REPS1: variants seen among roughly 807,000 people sequenced by gnomAD.
The protein encoded by REPS1 is ralBP1-associated Eps domain-containing protein 1.
A neutral mutation model predicts 100.9 loss-of-function variants in REPS1; 39 were observed. The ratio of observed to expected loss-of-function variants is 0.39; its 90% CI spans 0.30 to 0.50. The LOEUF (loss-of-function observed/expected upper bound fraction) is 0.50. Ranked by LOEUF, REPS1 falls within the 20% of genes least tolerant of loss-of-function variation. The pLI, the probability that REPS1 is intolerant of heterozygous loss-of-function variation, is 0.86. For missense variants in REPS1, 821 were observed against 968.5 expected, an observed-to-expected ratio of 0.85 and a Z score of 2.02; for synonymous variants, 324 against 340.3, an observed-to-expected ratio of 0.95 and a Z score of 0.53.
Position 138,931,241 on chromosome 6 carries a change from T to G in REPS1, c.1136-1143A>C, listed in dbSNP as rs543755537. Among the ~76,000 whole-genome samples the G allele has an allele frequency of 2.0e-5, 3 of 152,338 alleles. No homozygotes were observed. In the East Asian group the frequency reaches 5.8e-4, roughly 29 times the overall value. On this transcript the variant is annotated intron_variant, in intron 8 of 19. Transcript: ENST00000450536. ...CCATATAATATAAGCTAGCAATGTA[T>G]AGCTTTTAACTTCTCAATCTATTCA... is the stretch of plus-strand genomic sequence containing the variant.
chr6:138,955,827 T>C (rs1327488887), intron 1 of REPS1, among the ~76,000 whole-genome samples: 2 of 152,160 alleles, frequency 1.3e-5, no homozygotes, highest in East Asian at 3.8e-4. Context: ...GTGCCTCAGT[T>C]TCTTCATATA....
rs966839799 is a variant in REPS1, at chr6:138,903,936, C to G, written c.*1128G>C. ...GGACTGTGAATCTATAGTATTTAAA[C>G]ATTTTTTCTTTCAGAAATGAAAATA... On this transcript the variant is annotated 3_prime_UTR_variant, in exon 20 of 20. Coordinates refer to ENST00000450536, the MANE Select transcript of REPS1 (RefSeq NM_001286611.2). The G allele has an allele frequency of 6.6e-6, 1 of 152,122 alleles. No homozygotes were observed. 9.4% of individuals were successfully genotyped at this position (152,122 alleles called of 1,614,324 possible).
chr6:138,956,051 C>T (rs761833533), intron 1 of REPS1, among the ~76,000 whole-genome samples: 7 of 152,068 alleles, frequency 4.6e-5, no homozygotes, highest in Admixed American at 2.0e-4. Context: ...AGAGTTAACG[C>T]CTTTATGCAT....
chr6:138,917,269 A>T (rs1490982705), intron 13 of REPS1, among the ~76,000 whole-genome samples: 1 of 152,220 alleles, frequency 6.6e-6, no homozygotes, highest in Non-Finnish European at 1.5e-5. Flanking sequence ...GTATTACTTG[A>T]CAGATTCTCG....
In REPS1 at chr6:138,904,046, A is replaced by C. The variant is rs530980482; in HGVS notation, c.*1018T>G. On this transcript the variant is annotated 3_prime_UTR_variant, in exon 20 of 20. Transcript: ENST00000450536. ...TATTATGCTGTTTTATTGGTGTAAA[A>C]CCACACTTCTGATTCTGCCAAGATA... The C allele has an allele frequency of 6.6e-6, 1 of 152,216 alleles. No individual in the cohort carries two copies. The highest frequency in any genetic ancestry group is 6.5e-5 in the Admixed American group (1 of 15,280). The allele number at this position is 152,216 out of a possible 1,614,324, so 9.4% of individuals were successfully genotyped here.
chr6:138,939,432 C>A (rs543647592), intron 8 of REPS1, among the ~76,000 whole-genome samples: 98 of 152,256 alleles, frequency 6.4e-4, no homozygotes, highest in African/African-American at 2.3e-3. Flanking sequence ...AAAAAAATTT[C>A]TTCCTGAACC....
rs1784787609 is a variant in REPS1 at position 138,979,202 on chromosome 6, A to AAAAAAAAAAAAAAAAT, written c.153+8327_153+8328insATTTTTTTTTTTTTTT. On this transcript the variant is annotated intron_variant, in intron 1 of 19. Coordinates refer to ENST00000450536, the MANE Select transcript of REPS1 (RefSeq NM_001286611.2). ...TCACAAAAAAAAAAAAAAAAACAAA[A>AAAAAAAAAAAAAAAAT]AAAAAAAACTGAAGAAGTATCCCCT... Among the ~76,000 whole-genome samples, 2 of 150,508 alleles carry AAAAAAAAAAAAAAAAT rather than the reference A, an allele frequency of 1.3e-5. 1 individual carries two copies. The highest frequency in any genetic ancestry group is 3.0e-5 in the Non-Finnish European group (2 of 67,616).
intron 8 of REPS1, among the ~76,000 whole-genome samples, chr6:138,933,827 T>C (rs971097224): frequency 9.9e-5 from 15 of 152,214 alleles, no homozygotes; most frequent in African/African-American, 3.6e-4. Flanking sequence ...TAAGTATTGA[T>C]AGATTTAACC....
intron 16 of REPS1, among the ~76,000 whole-genome samples, chr6:138,911,951 C>T (rs1477777166): frequency 6.6e-6 from 1 of 152,118 alleles, no homozygotes; most frequent in Non-Finnish European, 1.5e-5. Flanking sequence ...GGGAAGTCTT[C>T]GTGGTTGGGA....
intron 1 of REPS1, among the ~76,000 whole-genome samples, chr6:138,972,863 A>G (rs976872075): frequency 6.6e-6 from 1 of 152,164 alleles, no homozygotes; most frequent in Non-Finnish European, 1.5e-5. Context: ...CATACTGCTG[A>G]AAAAAACTCA....
intron 1 of REPS1, among the ~76,000 whole-genome samples, chr6:138,963,569 A>G (rs1209321073): frequency 6.6e-6 from 1 of 152,220 alleles, no homozygotes; most frequent in East Asian, 1.9e-4. Flanking sequence ...TTTAAAAATT[A>G]AACATTTTCT....
chr6:138,987,378 G>A lies in REPS1; in HGVS notation c.153+152C>T, dbSNP rs533110175. On this transcript the variant is annotated intron_variant, in intron 1 of 19. Coordinates refer to ENST00000450536, the MANE Select transcript of REPS1 (RefSeq NM_001286611.2). ...CCCCTTGGCCGCGGCGCGAGTCCAG[G>A]CCTCCCGGGCACCTGCGGCCCCTGC... Among the ~76,000 whole-genome samples the A allele has an allele frequency of 2.6e-5, 4 of 152,258 alleles. No homozygotes were observed. The South Asian group carries it at 8.3e-4, about 32-fold the overall frequency.
chr6:138,925,464 G>A (rs1192358041), intron 10 of REPS1, among the ~76,000 whole-genome samples: 1 of 152,182 alleles, frequency 6.6e-6, no homozygotes, highest in East Asian at 1.9e-4. Context: ...CTCTTTAGAT[G>A]ACAAGACCAT....
rs1779744503 is a variant in REPS1, at chr6:138,907,604, A to T, written c.2217-4T>A. ...TTTCTTATCTTTCCCAACAGATCTG[A>T]GAAGATAAAGAAGGCAAAAAAACCC... On this transcript the variant is annotated splice_polypyrimidine_tract_variant and splice_region_variant and intron_variant, in intron 18 of 19. Coordinates refer to ENST00000450536, the MANE Select transcript of REPS1 (RefSeq NM_001286611.2). The T allele has an allele frequency of 1.3e-6, 2 of 1,580,096 alleles. No individual in the cohort carries two copies. Among genetic ancestry groups the T allele is most frequent in the Non-Finnish European group, 1.7e-6 (2 of 1,150,374 alleles).
chr6:138,948,259 A>C lies in REPS1; in HGVS notation c.154-346T>G, dbSNP rs1386688549. Among the ~76,000 whole-genome samples, 5 of 152,226 alleles carry C rather than the reference A, an allele frequency of 3.3e-5. No individual in the cohort carries two copies. In the East Asian group the frequency reaches 7.7e-4, roughly 23 times the overall value. On this transcript the variant is annotated intron_variant, in intron 1 of 19. Coordinates refer to ENST00000450536, the MANE Select transcript of REPS1 (RefSeq NM_001286611.2). ...AATAGGACCATGTGACTAAGAGACT[A>C]TTATGCAGCCATTTAAAGTGACGGT...
intron 2 of REPS1, among the ~76,000 whole-genome samples, chr6:138,947,035 GCTCTCTCTCT>G (rs10581264): frequency 0.092 from 12,668 of 137,540 alleles, 869 homozygotes; most frequent in East Asian, 0.26. Flanking sequence ...ATTCCCCCTT[GCTCTCTCTCT>G]CTCTCTCTCT....
chr6:138,933,258 A>T (rs1010036556), intron 8 of REPS1, among the ~76,000 whole-genome samples: 1 of 152,224 alleles, frequency 6.6e-6, no homozygotes, highest in East Asian at 1.9e-4. Context: ...TTTCTATATT[A>T]GGCCAGATAG....
chr6:138,925,988 T>C (rs1247978224), intron 10 of REPS1, among the ~76,000 whole-genome samples: 2 of 152,056 alleles, frequency 1.3e-5, no homozygotes, highest in African/African-American at 2.4e-5. Flanking sequence ...ATTTGGCATG[T>C]CAAAATAAAA....
At chr6:138,934,370 C>A (rs1219774176) in intron 8 of REPS1, 1 of 469,848 alleles carries the variant, frequency 2.1e-6, no homozygotes, top group Non-Finnish European at 4.4e-6. Context: ...TTAAAGTTAA[C>A]CCCAAAAGGG....
Sources: gnomAD v4.1 joint callset for allele counts (sites outside exome capture counted in the v4.1 genomes callset) on GRCh38, gnomAD v4.1.1 for gene constraint, MANE v1.5 for transcripts, NCBI Gene and HGNC (gene_info 2026-07-23, HGNC 2026-07-21) for gene names.